PLGRKT: variants seen among roughly 807,000 people sequenced by gnomAD.
The protein encoded by PLGRKT is plasminogen receptor with a C-terminal lysine, also known as plasminogen receptor (KT).
A neutral mutation model predicts 18.5 loss-of-function variants in PLGRKT; 22 were observed. The ratio of observed to expected loss-of-function variants is 1.19; its 90% CI spans 0.85 to 1.70. The LOEUF (loss-of-function observed/expected upper bound fraction) is 1.70, where lower values mean the gene tolerates loss of function less well. Ranked by LOEUF, PLGRKT falls within the 40% of genes most tolerant of loss-of-function variation. The pLI is 0.00. For missense variants in PLGRKT, 235 were observed against 174.4 expected, an observed-to-expected ratio of 1.35 and a Z score of -1.96; for synonymous variants, 72 against 52.8, an observed-to-expected ratio of 1.36 and a Z score of -1.58.
chr9:5,392,339 G>A (rs1307059256), intron 3 of PLGRKT: 2 of 151,892 alleles, frequency 1.3e-5, no homozygotes, highest in Admixed American at 6.6e-5. Flanking sequence ...AGTCCCAGAG[G>A]AATGTATTCT....
At chr9:5,362,934 C>T (rs76434582) in intron 3 of PLGRKT, among the ~76,000 whole-genome samples, 2 of 152,092 alleles carry the variant, frequency 1.3e-5, no homozygotes, top group East Asian at 1.9e-4. Context: ...TACAGCACAG[C>T]AGAAATGGTT....
intron 3 of PLGRKT, among the ~76,000 whole-genome samples, chr9:5,389,571 C>G (rs1322530148): frequency 6.6e-6 from 1 of 151,746 alleles, no homozygotes; most frequent in Non-Finnish European, 1.5e-5. Context: ...CAGAGAAAAC[C>G]TGGAGAGGTG....
chr9:5,391,437 A>C lies in PLGRKT; in HGVS notation c.82-29549T>G, dbSNP rs79740228. The stretch of plus-strand genomic sequence containing the variant: ...CTTGAGGATAGCATACTTTGATTTC[A>C]TATCAGAAAATTCCATAAAATTAGT... On this transcript the variant is annotated intron_variant, in intron 3 of 5. Transcript: ENST00000223864. Among the ~76,000 whole-genome samples, 47 of 152,118 alleles carry C rather than the reference A, an allele frequency of 3.1e-4. No homozygotes were observed. In the East Asian group the frequency reaches 8.5e-3, roughly 27 times the overall value.
chr9:5,387,368 G>C (rs1425429571), intron 3 of PLGRKT, among the ~76,000 whole-genome samples: 1 of 151,794 alleles, frequency 6.6e-6, no homozygotes, highest in Non-Finnish European at 1.5e-5. Flanking sequence ...AGCAACAATT[G>C]CCATAATAGA....
rs1818833538 is a variant in PLGRKT, at chr9:5,431,894, T to C, written c.81+3A>G. On this transcript the variant is annotated splice_donor_region_variant and intron_variant, in intron 3 of 5. Transcript: ENST00000223864. ...ATAATAGCTTAATTATTTTAAAACA[T>C]ACCTGAAGTCGAGCATTCATAAGCA... 3.6e-6 allele frequency: 5 copies of C among 1,391,172 alleles called. No homozygotes were observed. Among genetic ancestry groups the C allele is most frequent in the East Asian group, 2.3e-5 (1 of 43,820 alleles). 86.2% of individuals were successfully genotyped at this position (1,391,172 alleles called of 1,614,324 possible).
chr9:5,376,188 G>A (rs1817623678), intron 3 of PLGRKT, among the ~76,000 whole-genome samples: 1 of 152,196 alleles, frequency 6.6e-6, no homozygotes. Flanking sequence ...GCCAGGGACT[G>A]GAGGGAGTGG....
At chr9:5,432,997 C>G (rs1036177370) in intron 2 of PLGRKT, among the ~76,000 whole-genome samples, 5 of 151,662 alleles carry the variant, frequency 3.3e-5, no homozygotes, top group African/African-American at 1.2e-4. Context: ...GCCGCCACCC[C>G]GTCTAGGAAG....
intron 3 of PLGRKT, among the ~76,000 whole-genome samples, chr9:5,421,567 A>G (rs1245789903): frequency 6.6e-6 from 1 of 152,228 alleles, no homozygotes; most frequent in African/African-American, 2.4e-5. Context: ...GGGCTCCTCA[A>G]TAAACATTTG....
At chr9:5,392,056 GA>G (rs1264063435) in intron 3 of PLGRKT, among the ~76,000 whole-genome samples, 1 of 151,954 alleles carries the variant, frequency 6.6e-6, no homozygotes, top group African/African-American at 2.4e-5. Context: ...CCTAGAGGGG[GA>G]AAGTGTGTGA....
At position 5,418,333 on chromosome 9, in the gene PLGRKT, G is replaced by A. The variant is rs2131155636; in HGVS notation, c.81+13564C>T. 4 of 626,340 alleles carry A rather than the reference G, an allele frequency of 6.4e-6. No homozygotes were observed. The highest frequency in any genetic ancestry group is 1.2e-5 in the Non-Finnish European group (4 of 338,950). The allele number at this position is 626,340 out of a possible 1,614,324, so 38.8% of individuals were successfully genotyped here. ...CATCACCAATGTGCTCAACCCCTAAGTTGGCACCCACAAGAGACTTCCCTG... is the reference window on the plus strand; with the variant it reads ...CATCACCAATGTGCTCAACCCCTAAATTGGCACCCACAAGAGACTTCCCTG... On this transcript the variant is annotated intron_variant, in intron 3 of 5. Coordinates refer to ENST00000223864, the MANE Select transcript of PLGRKT (RefSeq NM_018465.4). The surrounding 1 kb of genome is among the most constrained non-coding windows in gnomAD (Gnocchi z 4.2).
At chr9:5,400,242 C>G (rs1818130626) in intron 3 of PLGRKT, among the ~76,000 whole-genome samples, 1 of 151,698 alleles carries the variant, frequency 6.6e-6, no homozygotes, top group Non-Finnish European at 1.5e-5. Flanking sequence ...TACGCATAAT[C>G]CCCACTCAAT....
intron 3 of PLGRKT, among the ~76,000 whole-genome samples, chr9:5,423,125 T>C (rs955434168): frequency 1.3e-5 from 2 of 152,182 alleles, no homozygotes; most frequent in African/African-American, 4.8e-5. Flanking sequence ...CAGACCAATT[T>C]TGGCTCACAA....
At chr9:5,392,913 C>A (rs1426758571) in intron 3 of PLGRKT, among the ~76,000 whole-genome samples, 1 of 151,856 alleles carries the variant, frequency 6.6e-6, no homozygotes, top group Non-Finnish European at 1.5e-5. Flanking sequence ...GCAGTCTCGG[C>A]TCACTGCAAC....
intron 3 of PLGRKT, among the ~76,000 whole-genome samples, chr9:5,417,122 CA>C (rs1306197328): frequency 1.3e-5 from 2 of 152,154 alleles, no homozygotes; most frequent in Non-Finnish European, 2.9e-5. Flanking sequence ...GAGAAAGACA[CA>C]GCAGGTTGCC....
chr9:5,376,377 T>C (rs1409764727), intron 3 of PLGRKT, among the ~76,000 whole-genome samples: 2 of 152,220 alleles, frequency 1.3e-5, no homozygotes, highest in African/African-American at 2.4e-5. Context: ...CCACCACTTA[T>C]TAGCTTTGTG....
At chr9:5,364,211 G>C (rs1586698883) in intron 3 of PLGRKT, among the ~76,000 whole-genome samples, 1 of 152,160 alleles carries the variant, frequency 6.6e-6, no homozygotes, top group South Asian at 2.1e-4. Context: ...GTAAAATCAG[G>C]CATCCATAAT....
At chr9:5,386,881 G>C (rs999027556) in intron 3 of PLGRKT, among the ~76,000 whole-genome samples, 11 of 151,912 alleles carry the variant, frequency 7.2e-5, no homozygotes, top group African/African-American at 2.7e-4. Context: ...TGCTCACCAG[G>C]TCTTGCCCAG....
At chr9:5,378,230 C>T (rs558039857) in intron 3 of PLGRKT, among the ~76,000 whole-genome samples, 33 of 152,188 alleles carry the variant, frequency 2.2e-4, no homozygotes, top group Non-Finnish European at 4.3e-4. Context: ...ACATCTGGAA[C>T]GGGAGATAAT....
chr9:5,418,605 G>T lies in PLGRKT; in HGVS notation c.81+13292C>A. Reference sequence around the variant, plus strand: ...TCACCACAGTGACGGACTTCTGCCGGTTCCTGGGCAGCAGGTGGCGGCTCA... The same window carrying T: ...TCACCACAGTGACGGACTTCTGCCGTTTCCTGGGCAGCAGGTGGCGGCTCA... On this transcript the variant is annotated intron_variant, in intron 3 of 5. Transcript: ENST00000223864. This position sits in a 1 kb window ranked among gnomAD's most constrained non-coding sequence, Gnocchi z 4.2. 1.4e-6 allele frequency: 1 copy of T among 735,742 alleles called. No homozygotes were observed. Among genetic ancestry groups the T allele is most frequent in the Non-Finnish European group, 2.5e-6 (1 of 396,432 alleles). The allele number at this position is 735,742 out of a possible 1,614,324, so 45.6% of individuals were successfully genotyped here.
Sources: allele counts gnomAD v4.1 joint callset (sites outside exome capture counted in the v4.1 genomes callset), GRCh38; gene constraint gnomAD v4.1.1; non-coding constraint Gnocchi (gnomAD v3.1); transcripts MANE v1.5; gene names NCBI Gene and HGNC (gene_info 2026-07-23, HGNC 2026-07-21).